Variants in ITGA11 observed in about 807,000 individuals in gnomAD.
The protein encoded by ITGA11 is integrin subunit alpha 11.
In ITGA11, 97 loss-of-function variants were observed where a neutral mutation model predicts 141.9. That is an observed-to-expected ratio of 0.68 (90% CI 0.58 to 0.81). The LOEUF (loss-of-function observed/expected upper bound fraction) is 0.81, where lower values mean the gene tolerates loss of function less well. Among genes scored for constraint, ITGA11 ranks in the 30% least tolerant of loss-of-function variants. ITGA11 has a pLI of 0.00. For missense variants in ITGA11, 1,387 were observed against 1,559.2 expected (o/e 0.89, Z 1.86); for synonymous variants, 658 against 624.6 (o/e 1.05, Z -0.80).
Position 68,303,985 on chromosome 15 carries a change from G to A in ITGA11, c.3382-100C>T. 1 of 702,418 alleles carries A rather than the reference G, an allele frequency of 1.4e-6. No homozygotes were observed. The highest frequency in any genetic ancestry group is 2.5e-6 in the Non-Finnish European group (1 of 397,348). The allele number at this position is 702,418 out of a possible 1,614,324, so 43.5% of individuals were successfully genotyped here. On this transcript the variant is annotated intron_variant, in intron 28 of 29. Coordinates refer to ENST00000315757, the MANE Select transcript of ITGA11 (RefSeq NM_001004439.2). The surrounding 1 kb of genome is among the most constrained non-coding windows in gnomAD (Gnocchi z 5.3). The stretch of plus-strand genomic sequence containing the variant: ...GGTGGAGACAGCTGGCACCTGGTGG[G>A]GGAGCTGCATCCTCTTCCTCAGGGG...
intron 2 of ITGA11, among the ~76,000 whole-genome samples, chr15:68,377,974 C>T (rs968385851): frequency 6.6e-6 from 1 of 152,246 alleles, no homozygotes; most frequent in African/African-American, 2.4e-5. Context: ...AGGGCCTGTG[C>T]AGGCCTCTCC....
At chr15:68,417,291 C>T (rs1896910821) in intron 1 of ITGA11, among the ~76,000 whole-genome samples, 1 of 152,206 alleles carries the variant, frequency 6.6e-6, no homozygotes, top group South Asian at 2.1e-4. Context: ...GGCATTACCA[C>T]CCACCAGATG....
Position 68,412,211 on chromosome 15 carries a change from TG to T in ITGA11, c.53-9183del, listed in dbSNP as rs372953716. ...AGGAGGAACAATTTCACAGAGTGAT[TG>T]GACAAAGACAAGGAGAAGAGGAGCT... On this transcript the variant is annotated intron_variant, in intron 1 of 29. Coordinates refer to ENST00000315757, the MANE Select transcript of ITGA11 (RefSeq NM_001004439.2). Among the ~76,000 whole-genome samples the T allele has an allele frequency of 4.1e-4, 63 of 152,162 alleles. No homozygotes were observed. In the East Asian group the frequency reaches 0.01, roughly 25 times the overall value.
At chr15:68,412,666 C>T (rs1381773555) in intron 1 of ITGA11, among the ~76,000 whole-genome samples, 13 of 123,638 alleles carry the variant, frequency 1.1e-4, no homozygotes, top group South Asian at 5.5e-4. Flanking sequence ...GGAACTTATT[C>T]GCTTTTTTTT....
At chr15:68,376,212 C>T (rs566312386) in intron 2 of ITGA11, among the ~76,000 whole-genome samples, 10 of 137,142 alleles carry the variant, frequency 7.3e-5, no homozygotes, top group Non-Finnish European at 1.4e-4. Context: ...TCTAGATCAC[C>T]TCATTGTTCT....
intron 7 of ITGA11, among the ~76,000 whole-genome samples, chr15:68,352,190 GT>G (rs796359057): frequency 0.023 from 3,150 of 138,314 alleles, 98 homozygotes; most frequent in African/African-American, 0.068. Flanking sequence ...CTGGATATTA[GT>G]TTTTTTTTTT....
chr15:68,431,214 C>T (rs772393289), intron 1 of ITGA11, among the ~76,000 whole-genome samples: 16 of 152,252 alleles, frequency 1.1e-4, no homozygotes, highest in African/African-American at 3.9e-4. Flanking sequence ...CCCAGCCGCG[C>T]GCCCCTCGGG....
At chr15:68,394,134 A>C (rs1164223393) in intron 2 of ITGA11, among the ~76,000 whole-genome samples, 3 of 152,208 alleles carry the variant, frequency 2.0e-5, no homozygotes, top group African/African-American at 7.2e-5. Context: ...AATTCTTGGA[A>C]GCATACAACC....
intron 1 of ITGA11, 97 bp from the exon 2 acceptor site, chr15:68,403,126 T>C (rs1344404317): frequency 4.0e-6 from 3 of 755,970 alleles, no homozygotes; most frequent in African/African-American, 3.4e-5. Flanking sequence ...GTCATGAACC[T>C]TGGAGGGTCT....
At chr15:68,364,905 C>G (rs976041129) in intron 3 of ITGA11, 107 bp from the exon 4 acceptor site, 1 of 1,084,878 alleles carries the variant, frequency 9.2e-7, no homozygotes, top group African/African-American at 1.6e-5. Context: ...TCTCCCTGAC[C>G]CTGGGGACCT....
intron 18 of ITGA11, among the ~76,000 whole-genome samples, chr15:68,323,288 A>G (rs1177875683): frequency 6.6e-6 from 1 of 152,206 alleles, no homozygotes; most frequent in African/African-American, 2.4e-5. Context: ...TTCTAGCACC[A>G]AAGTTCATCC....
intron 2 of ITGA11, among the ~76,000 whole-genome samples, chr15:68,399,438 C>A (rs963263557): frequency 6.6e-6 from 1 of 151,972 alleles, no homozygotes; most frequent in Non-Finnish European, 1.5e-5. Flanking sequence ...ACTATTTGAC[C>A]CAGCAATCCC....
At chr15:68,388,970 C>T (rs1428456371) in intron 2 of ITGA11, among the ~76,000 whole-genome samples, 1 of 152,194 alleles carries the variant, frequency 6.6e-6, no homozygotes, top group Non-Finnish European at 1.5e-5. Flanking sequence ...ACCTTCTCCT[C>T]CAGCCACATG....
intron 1 of ITGA11, among the ~76,000 whole-genome samples, chr15:68,423,711 TG>T (rs1470886961): frequency 6.6e-6 from 1 of 152,150 alleles, no homozygotes; most frequent in East Asian, 1.9e-4. Context: ...TCTGGATGAA[TG>T]GGGGCAAGAG....
intron 2 of ITGA11, among the ~76,000 whole-genome samples, chr15:68,398,718 TTTA>T (rs1265974027): frequency 2.9e-5 from 4 of 136,870 alleles, no homozygotes; most frequent in East Asian, 4.0e-4. Context: ...TAAATATATA[TTTA>T]TTATGATATA....
In ITGA11 at chr15:68,369,178, C is replaced by A. The variant is rs368331124; in HGVS notation, c.265+6G>T. The A allele has an allele frequency of 6.2e-7, 1 of 1,608,526 alleles. No individual in the cohort carries two copies. Among genetic ancestry groups the A allele is most frequent in the South Asian group, 1.1e-5 (1 of 90,958 alleles). On this transcript the variant is annotated splice_donor_region_variant and intron_variant, in intron 3 of 29. Transcript: ENST00000315757. Reference sequence around the variant, plus strand: ...TCATTGTGAAGAGACCACCAGCCCACGTTACCCAGGTTGAGTTTGGTGCAG... The same window carrying A: ...TCATTGTGAAGAGACCACCAGCCCAAGTTACCCAGGTTGAGTTTGGTGCAG...
chr15:68,351,253 C>T lies in ITGA11; in HGVS notation c.894+5G>A. 2 of 1,613,810 alleles carry T rather than the reference C, an allele frequency of 1.2e-6. No homozygotes were observed. The highest frequency in any genetic ancestry group is 1.1e-5 in the South Asian group (1 of 91,054). On this transcript the variant is annotated splice_donor_5th_base_variant and intron_variant, in intron 8 of 29. Transcript: ENST00000315757. ...TCAGCAGCCCTTGGGCGGGCCAGGA[C>T]TTACGGCCACCGCATATCTTGTTAC...
In ITGA11 at chr15:68,326,766, C is replaced by G; in HGVS notation, c.2099G>C (p.Arg700Thr). The change falls in exon 17 of 30, where the codon AGG (arginine) becomes ACG (threonine). Residue 700 changes from arginine to threonine, a missense_variant. Physicochemically the swap from Arg to Thr is moderately conservative, Grantham distance 71. Coordinates refer to ENST00000315757, the MANE Select transcript of ITGA11 (RefSeq NM_001004439.2). This position sits in a 1 kb window ranked among gnomAD's most constrained non-coding sequence, Gnocchi z 6.8. ...GIRYNATMDE[R>T]RYTPRAHLDE... ...CAGGTGGGCCCTCGGTGTATACCGCCTCTCATCCATGGTGGCGTTGTATCT... is the reference window on the plus strand; with the variant it reads ...CAGGTGGGCCCTCGGTGTATACCGCGTCTCATCCATGGTGGCGTTGTATCT... The G allele has an allele frequency of 6.3e-7, 1 of 1,581,962 alleles. No individual in the cohort carries two copies.
chr15:68,432,068 G>T lies in ITGA11; in HGVS notation c.-2C>A, dbSNP rs1897282121. ...CACCAGGCCCCTGGGCAGGTCCATG[G>T]CCCGCGGCACGGCGGCTGGGTCCGG... On this transcript the variant is annotated 5_prime_UTR_variant, in exon 1 of 30. Coordinates refer to ENST00000315757, the MANE Select transcript of ITGA11 (RefSeq NM_001004439.2). 1.5e-6 allele frequency: 2 copies of T among 1,369,548 alleles called. No homozygotes were observed. Among genetic ancestry groups the T allele is most frequent in the Non-Finnish European group, 9.4e-7 (1 of 1,063,810 alleles). 84.8% of individuals were successfully genotyped at this position (1,369,548 alleles called of 1,614,324 possible).
Sources: allele counts gnomAD v4.1 joint callset (sites outside exome capture counted in the v4.1 genomes callset), GRCh38; gene constraint gnomAD v4.1.1; non-coding constraint Gnocchi (gnomAD v3.1); transcripts MANE v1.5; gene names NCBI Gene and HGNC (gene_info 2026-07-23, HGNC 2026-07-21).